CACNB2: variants seen among roughly 807,000 people sequenced by gnomAD.
CACNB2 encodes the protein voltage-dependent L-type calcium channel subunit beta-2.
Under a neutral mutation model 73.3 loss-of-function variants are expected in CACNB2, and 42 were observed. The ratio of observed to expected loss-of-function variants is 0.57; its 90% CI spans 0.45 to 0.74. The LOEUF (loss-of-function observed/expected upper bound fraction) is 0.74. CACNB2 is among the 30% of genes least tolerant of loss of function. CACNB2 has a pLI of 0.00. For synonymous variants in CACNB2, 348 were observed against 310.3 expected (o/e 1.12, Z -1.28); for missense variants, 940 against 853.0 (o/e 1.10, Z -1.27).
intron 2 of CACNB2, among the ~76,000 whole-genome samples, chr10:18,288,971 G>C (rs1208009860): frequency 1.3e-5 from 2 of 152,122 alleles, no homozygotes; most frequent in Non-Finnish European, 2.9e-5. Context: ...CTTTAACCCA[G>C]GAGGCAGAGA....
At chr10:18,486,351 TTATTC>T (rs2049059177) in intron 3 of CACNB2, among the ~76,000 whole-genome samples, 1 of 152,248 alleles carries the variant, frequency 6.6e-6, no homozygotes, top group Non-Finnish European at 1.5e-5. Flanking sequence ...TATAATGTGT[TTATTC>T]TATTTCATAA....
intron 2 of CACNB2, among the ~76,000 whole-genome samples, chr10:18,157,653 C>T (rs1197112891): frequency 3.3e-5 from 5 of 152,074 alleles, no homozygotes; most frequent in African/African-American, 9.7e-5. Flanking sequence ...TCCACAGTCA[C>T]GTCAAATGTA....
At chr10:18,182,319 C>T (rs2033927563) in intron 2 of CACNB2, among the ~76,000 whole-genome samples, 1 of 151,004 alleles carries the variant, frequency 6.6e-6, no homozygotes, top group African/African-American at 2.4e-5. Flanking sequence ...AGCAAGACTC[C>T]ACCTCAAAAA....
chr10:18,140,570 C>T lies in CACNB2; in HGVS notation c.-167C>T, dbSNP rs2130977605. 1 of 446,536 alleles carries T rather than the reference C, an allele frequency of 2.2e-6. No homozygotes were observed. 27.7% of individuals were successfully genotyped at this position (446,536 alleles called of 1,614,324 possible). On this transcript the variant is annotated 5_prime_UTR_variant, in exon 1 of 14. Transcript: ENST00000324631. Reference sequence around the variant, plus strand: ...CCCGTCCCGCGCACTGAGCGCCTGGCAGCAGGGCGCCGAGTCCCGGGGCGC... The same window carrying T: ...CCCGTCCCGCGCACTGAGCGCCTGGTAGCAGGGCGCCGAGTCCCGGGGCGC...
At chr10:18,227,956 A>G (rs1331820956) in intron 2 of CACNB2, among the ~76,000 whole-genome samples, 1 of 152,168 alleles carries the variant, frequency 6.6e-6, no homozygotes, top group Non-Finnish European at 1.5e-5. Flanking sequence ...GAGTGAGAAG[A>G]TGCTAGTGCT....
intron 9 of CACNB2, among the ~76,000 whole-genome samples, chr10:18,520,381 T>A (rs2051738964): frequency 6.6e-6 from 1 of 152,214 alleles, no homozygotes; most frequent in East Asian, 1.9e-4. Context: ...ATATTCAGAA[T>A]CGAAGCCCTT....
At chr10:18,283,348 C>A (rs1308494888) in intron 2 of CACNB2, among the ~76,000 whole-genome samples, 16 of 152,118 alleles carry the variant, frequency 1.1e-4, no homozygotes, top group Admixed American at 1.0e-3. Flanking sequence ...ATACGTCATG[C>A]TGCGATAAAG....
At chr10:18,167,825 A>G (rs2032960422) in intron 2 of CACNB2, among the ~76,000 whole-genome samples, 1 of 152,162 alleles carries the variant, frequency 6.6e-6, no homozygotes, top group South Asian at 2.1e-4. Context: ...GTAAGTGTAA[A>G]TGCAGCTTTA....
intron 2 of CACNB2, among the ~76,000 whole-genome samples, chr10:18,254,983 T>C (rs1209245600): frequency 6.6e-6 from 1 of 152,198 alleles, no homozygotes; most frequent in Non-Finnish European, 1.5e-5. Context: ...TTATCTCCCA[T>C]CTTCAGCTCC....
At chr10:18,140,900 G>C (rs1170447133) in intron 1 of CACNB2, 44 bp downstream of exon 1, 5 of 1,562,502 alleles carry the variant, frequency 3.2e-6, no homozygotes, top group East Asian at 2.3e-5. Context: ...TGAGCCGCCG[G>C]GCAGGGCACC....
intron 2 of CACNB2, among the ~76,000 whole-genome samples, chr10:18,295,809 A>C (rs1167944143): frequency 6.6e-6 from 1 of 152,114 alleles, no homozygotes; most frequent in African/African-American, 2.4e-5. Flanking sequence ...TGTTACTAGA[A>C]ATTGGCTAAA....
intron 2 of CACNB2, among the ~76,000 whole-genome samples, chr10:18,285,733 AGTT>A (rs1303258248): frequency 1.3e-5 from 2 of 152,170 alleles, no homozygotes; most frequent in African/African-American, 2.4e-5. Flanking sequence ...TTTTTTTCAC[AGTT>A]GTTATGTGAC....
At chr10:18,231,552 T>A (rs1482240619) in intron 2 of CACNB2, among the ~76,000 whole-genome samples, 1 of 152,204 alleles carries the variant, frequency 6.6e-6, no homozygotes, top group Non-Finnish European at 1.5e-5. Context: ...GCAATCTCTT[T>A]TAGAGAATGT....
intron 6 of CACNB2, among the ~76,000 whole-genome samples, chr10:18,512,826 GT>G (rs1370052734): frequency 3.3e-5 from 5 of 152,138 alleles, no homozygotes; most frequent in African/African-American, 1.2e-4. Flanking sequence ...ATGGTAGTTG[GT>G]TGGCAAGAGG....
In CACNB2 at chr10:18,250,749, G is replaced by A. The variant is rs923018769; in HGVS notation, c.213+99774G>A. 2.6e-5 allele frequency among the ~76,000 whole-genome samples: 4 copies of A among 152,128 alleles called. No homozygotes were observed. In the South Asian group the frequency reaches 8.3e-4, roughly 32 times the overall value. ...TCCATCTTTGGCTTCCTCCATTTCC[G>A]TTTCCCCATCTCTACTTTCTTAAGC... On this transcript the variant is annotated intron_variant, in intron 2 of 13. Transcript: ENST00000324631.
At chr10:18,481,662 C>T (rs1023204374) in intron 3 of CACNB2, among the ~76,000 whole-genome samples, 5 of 152,008 alleles carry the variant, frequency 3.3e-5, no homozygotes, top group Admixed American at 3.3e-4. Context: ...TATTACAGCC[C>T]CTCAGATGGT....
chr10:18,199,441 A>G (rs2034776451), intron 2 of CACNB2, among the ~76,000 whole-genome samples: 1 of 152,172 alleles, frequency 6.6e-6, no homozygotes, highest in Non-Finnish European at 1.5e-5. Context: ...CAAAGTTCTG[A>G]GTAAACCTCC....
At chr10:18,324,647 A>G (rs2040514438) in intron 2 of CACNB2, among the ~76,000 whole-genome samples, 1 of 152,222 alleles carries the variant, frequency 6.6e-6, no homozygotes. Flanking sequence ...CTTAAAGTCC[A>G]GAGTTTGAGA....
chr10:18,536,368 A>AT (rs567797726), intron 12 of CACNB2, among the ~76,000 whole-genome samples, 172 bp downstream of exon 12: 85 of 139,796 alleles, frequency 6.1e-4, no homozygotes, highest in African/African-American at 2.2e-3. Flanking sequence ...AAGTGATCCT[A>AT]TTGCTTCAGC....
Sources: gnomAD v4.1 joint callset for allele counts (sites outside exome capture counted in the v4.1 genomes callset) on GRCh38, gnomAD v4.1.1 for gene constraint, MANE v1.5 for transcripts, NCBI Gene and HGNC (gene_info 2026-07-23, HGNC 2026-07-21) for gene names.